The following CHD9NB variants were observed in gnomAD, a reference collection of about 807,000 sequenced individuals.
CHD9NB encodes the protein CHD9 neighbor.
the CHD9NB span, chr16:53,042,927 G>A: frequency 6.6e-6 from 1 of 152,198 alleles, no homozygotes; most frequent in Non-Finnish European, 1.5e-5. Context: ...GAGTAGTTGG[G>A]TGGCATTAAA....
At chr16:53,041,338 G>T in the CHD9NB span, among the ~76,000 whole-genome samples, 1 of 152,218 alleles carries the variant, frequency 6.6e-6, no homozygotes, top group Admixed American at 6.5e-5. Context: ...GTGATGCTAG[G>T]CTCCAGTGGA....
chr16:53,044,388 G>T, the CHD9NB span: 27 of 382,448 alleles, frequency 7.1e-5, no homozygotes, highest in Middle Eastern at 6.6e-4. Context: ...CCAATTCCAG[G>T]CACTGTGCCC....
chr16:53,041,789 A>T, the CHD9NB span, among the ~76,000 whole-genome samples: 1 of 152,030 alleles, frequency 6.6e-6, no homozygotes, highest in Non-Finnish European at 1.5e-5. Context: ...TTAAAAAAAA[A>T]AAAAATTGAA....
chr16:53,043,983 C>T, the CHD9NB span: 1 of 398,844 alleles, frequency 2.5e-6, no homozygotes, highest in South Asian at 1.3e-4. Flanking sequence ...GAGGGTCCGA[C>T]TCTGGAGAGA....
chr16:53,049,322 TTGTGTGTGTGTGTG>T, the CHD9NB span, among the ~76,000 whole-genome samples: 19 of 145,000 alleles, frequency 1.3e-4, no homozygotes, highest in Middle Eastern at 3.4e-3. Context: ...CCCCCAGCTG[TTGTGTGTGTGTGTG>T]TGTGTGTGTG....
the CHD9NB span, among the ~76,000 whole-genome samples, chr16:53,039,001 A>G: frequency 6.6e-6 from 1 of 151,224 alleles, no homozygotes; most frequent in South Asian, 2.1e-4. Flanking sequence ...TCTTCCCTTT[A>G]AACCTGCCCC....
the CHD9NB span, among the ~76,000 whole-genome samples, chr16:53,042,560 C>T: frequency 2.0e-5 from 3 of 147,232 alleles, no homozygotes. Context: ...CCTCCCTTCT[C>T]CCACTTCCCT....
the CHD9NB span, among the ~76,000 whole-genome samples, chr16:53,051,014 A>C: frequency 6.6e-6 from 1 of 151,896 alleles, no homozygotes; most frequent in East Asian, 1.9e-4. Flanking sequence ...CAGCCTCCTG[A>C]GTAGCTGGGA....
chr16:53,050,657 A>T, the CHD9NB span, among the ~76,000 whole-genome samples: 1 of 152,134 alleles, frequency 6.6e-6, no homozygotes, highest in South Asian at 2.1e-4. Flanking sequence ...TATTCCTACC[A>T]ATCATAGACA....
chr16:53,042,932 A>C, the CHD9NB span: 2 of 152,232 alleles, frequency 1.3e-5, no homozygotes, highest in Non-Finnish European at 2.9e-5. Context: ...GTTGGGTGGC[A>C]TTAAACCGTC....
At chr16:53,040,922 A>G in the CHD9NB span, among the ~76,000 whole-genome samples, 1 of 152,126 alleles carries the variant, frequency 6.6e-6, no homozygotes. Context: ...GGATGGAGGG[A>G]TAATGGATGA....
At chr16:53,046,529 A>G in the CHD9NB span, among the ~76,000 whole-genome samples, 1 of 149,362 alleles carries the variant, frequency 6.7e-6, no homozygotes, top group Admixed American at 6.7e-5. Context: ...AAAAAAAAAT[A>G]CAAAAATTAG....
chr16:53,049,632 T>A, the CHD9NB span, among the ~76,000 whole-genome samples: 4 of 152,140 alleles, frequency 2.6e-5, no homozygotes, highest in Admixed American at 1.3e-4. Context: ...AGGCCACATT[T>A]GAGCTGGACC....
the CHD9NB span, among the ~76,000 whole-genome samples, chr16:53,045,736 C>G: frequency 6.6e-6 from 1 of 152,274 alleles, no homozygotes. Context: ...GTTACTCCTC[C>G]CAATCACACA....
the CHD9NB span, among the ~76,000 whole-genome samples, chr16:53,040,276 A>C: frequency 4.6e-5 from 7 of 151,816 alleles, no homozygotes; most frequent in Admixed American, 4.6e-4. Context: ...GGGTTTCACC[A>C]TGTTGGCCAG....
At chr16:53,050,136 G>A in the CHD9NB span, among the ~76,000 whole-genome samples, 20 of 152,132 alleles carry the variant, frequency 1.3e-4, no homozygotes, top group Admixed American at 1.2e-3. Context: ...CTGGGAGGCA[G>A]AGGTTGCAGT....
At chr16:53,050,504 T>C in the CHD9NB span, among the ~76,000 whole-genome samples, 2 of 151,908 alleles carry the variant, frequency 1.3e-5, no homozygotes, top group African/African-American at 4.8e-5. Flanking sequence ...TGAGACCCCG[T>C]CTCAAAAAAA....
At chr16:53,050,625 A>G in the CHD9NB span, among the ~76,000 whole-genome samples, 6 of 152,238 alleles carry the variant, frequency 3.9e-5, no homozygotes, top group Non-Finnish European at 8.8e-5. Context: ...GGTACAATCC[A>G]GGACCAGAAT....
the CHD9NB span, chr16:53,047,212 T>C: frequency 6.6e-6 from 1 of 152,178 alleles, no homozygotes; most frequent in Non-Finnish European, 1.5e-5. Flanking sequence ...GACCCTGTCA[T>C]ATGTTGGCGA....
Sources: allele counts gnomAD v4.1 joint callset (sites outside exome capture counted in the v4.1 genomes callset), GRCh38; gene constraint gnomAD v4.1.1; transcripts MANE v1.5; gene names NCBI Gene and HGNC (gene_info 2026-07-23, HGNC 2026-07-21).